ERBB4: variants seen among roughly 807,000 people sequenced by gnomAD.
ERBB4 encodes receptor tyrosine-protein kinase erbB-4.
A neutral mutation model predicts 158.0 loss-of-function variants in ERBB4; 42 were observed. The observed-to-expected ratio is 0.27, with a 90% confidence interval of 0.21 to 0.34. ERBB4 has a LOEUF of 0.34. Among genes scored for constraint, ERBB4 ranks in the 10% least tolerant of loss-of-function variants. The pLI is 1.00. For missense variants in ERBB4, 1,333 were observed against 1,624.1 expected, an observed-to-expected ratio of 0.82 and a Z score of 3.08; for synonymous variants, 583 against 558.7, an observed-to-expected ratio of 1.04 and a Z score of -0.61.
chr2:212,311,662 C>A (rs2087050109), intron 1 of ERBB4, among the ~76,000 whole-genome samples: 1 of 150,900 alleles, frequency 6.6e-6, no homozygotes, highest in African/African-American at 2.4e-5. Context: ...TCCTCAAGTC[C>A]TAAATTTTTT....
intron 2 of ERBB4, among the ~76,000 whole-genome samples, chr2:212,041,174 T>C (rs1297848506): frequency 6.6e-6 from 1 of 152,158 alleles, no homozygotes; most frequent in African/African-American, 2.4e-5. Flanking sequence ...TGTGTTCATG[T>C]ATGTAAAACA....
chr2:212,295,439 GATTAT>G (rs2086375105), intron 1 of ERBB4, among the ~76,000 whole-genome samples: 1 of 152,008 alleles, frequency 6.6e-6, no homozygotes, highest in African/African-American at 2.4e-5. Flanking sequence ...AATTTTCACT[GATTAT>G]ATTATCTTCA....
Position 211,925,376 on chromosome 2 carries a change from CTTTTTTT to C in ERBB4, c.421+22047_421+22053del, listed in dbSNP as rs71054150. Among the ~76,000 whole-genome samples, 36 of 81,576 alleles carry C rather than the reference CTTTTTTT, an allele frequency of 4.4e-4. No individual in the cohort carries two copies. The East Asian group carries it at 6.6e-3, about 15-fold the overall frequency. 53.5% of individuals were successfully genotyped at this position (81,576 alleles called of 152,430 possible). A position where few individuals can be genotyped will look rare whatever the true frequency, so the allele number is the denominator to read the frequency against. ...CATATTTGAAACAAAAACAAGACTGCTTTTTTTTTTTTTTTTTTTTTTTTGAGAGGAA... is the reference window on the plus strand; with the variant it reads ...CATATTTGAAACAAAAACAAGACTGCTTTTTTTTTTTTTTTTTGAGAGGAA... On this transcript the variant is annotated intron_variant, in intron 3 of 27. Transcript: ENST00000342788.
At chr2:211,473,596 A>G (rs1247305347) in intron 20 of ERBB4, among the ~76,000 whole-genome samples, 1 of 152,000 alleles carries the variant, frequency 6.6e-6, no homozygotes, top group Non-Finnish European at 1.5e-5. Context: ...TTCCCATACT[A>G]TAAGGATTAG....
At chr2:212,377,947 T>C (rs981937688) in intron 1 of ERBB4, among the ~76,000 whole-genome samples, 5 of 151,786 alleles carry the variant, frequency 3.3e-5, no homozygotes, top group African/African-American at 1.2e-4. Flanking sequence ...TATAAGCTTT[T>C]TCCTATTTTT....
At chr2:211,537,902 C>A (rs139029338) in intron 20 of ERBB4, among the ~76,000 whole-genome samples, 2 of 151,860 alleles carry the variant, frequency 1.3e-5, no homozygotes, top group East Asian at 3.9e-4. Flanking sequence ...TTTCAAAAAC[C>A]CTTTAAGACA....
intron 3 of ERBB4, among the ~76,000 whole-genome samples, chr2:211,892,502 C>T (rs2078994335): frequency 7.3e-6 from 1 of 137,630 alleles, no homozygotes. Context: ...TGGCACAAGA[C>T]AGGGATGCCC....
chr2:212,158,112 ATCCT>A (rs2081095941), intron 1 of ERBB4, among the ~76,000 whole-genome samples: 1 of 152,042 alleles, frequency 6.6e-6, no homozygotes, highest in Non-Finnish European at 1.5e-5. Flanking sequence ...GTCTCACTGA[ATCCT>A]TTGAACAAAT....
At chr2:211,619,893 T>A (rs917239333) in intron 18 of ERBB4, among the ~76,000 whole-genome samples, 1 of 152,168 alleles carries the variant, frequency 6.6e-6, no homozygotes, top group Admixed American at 6.5e-5. Context: ...CATGTGTATA[T>A]GTGTGTGCGT....
intron 3 of ERBB4, among the ~76,000 whole-genome samples, chr2:211,807,071 A>G (rs1427163178): frequency 2.6e-5 from 4 of 152,172 alleles, no homozygotes; most frequent in Admixed American, 1.3e-4. Context: ...TATTTTAAAT[A>G]TATTCAGAGA....
At chr2:211,754,407 C>CTTTTTTT (rs59474280) in intron 4 of ERBB4, among the ~76,000 whole-genome samples, 37,347 of 136,836 alleles carry the variant, frequency 0.27, 5,416 homozygotes, top group South Asian at 0.37. Flanking sequence ...GCAATAATCC[C>CTTTTTTT]TTTTTTTTTT....
At chr2:211,745,999 G>C (rs1368528254) in intron 5 of ERBB4, among the ~76,000 whole-genome samples, 2 of 152,158 alleles carry the variant, frequency 1.3e-5, no homozygotes, top group Non-Finnish European at 2.9e-5. Flanking sequence ...CATTTCCTCT[G>C]CTTATATTTC....
At chr2:212,469,574 G>T (rs1026831703) in intron 1 of ERBB4, among the ~76,000 whole-genome samples, 1 of 152,056 alleles carries the variant, frequency 6.6e-6, no homozygotes, top group Non-Finnish European at 1.5e-5. Flanking sequence ...AGTATGCTTA[G>T]CACCATAAAA....
intron 4 of ERBB4, among the ~76,000 whole-genome samples, chr2:211,780,172 G>C (rs1025128078): frequency 6.6e-6 from 1 of 152,016 alleles, no homozygotes; most frequent in African/African-American, 2.4e-5. Flanking sequence ...GTCTAGCCTG[G>C]GTAACGTAGG....
At chr2:212,138,299 A>G (rs111352998) in intron 1 of ERBB4, among the ~76,000 whole-genome samples, 1 of 152,180 alleles carries the variant, frequency 6.6e-6, no homozygotes, top group Non-Finnish European at 1.5e-5. Flanking sequence ...TTTCCTGGGC[A>G]TAACAGTAGT....
chr2:212,416,460 C>A (rs1440228183), intron 1 of ERBB4, among the ~76,000 whole-genome samples: 1 of 152,002 alleles, frequency 6.6e-6, no homozygotes, highest in Admixed American at 6.6e-5. Flanking sequence ...TGTTCATTTT[C>A]AATATCTTTT....
At chr2:212,273,396 A>G (rs2085412611) in intron 1 of ERBB4, among the ~76,000 whole-genome samples, 1 of 151,816 alleles carries the variant, frequency 6.6e-6, no homozygotes, top group Non-Finnish European at 1.5e-5. Flanking sequence ...TGATAATGTT[A>G]AAAATGCTAG....
At chr2:211,484,082 CA>C (rs2065146577) in intron 20 of ERBB4, among the ~76,000 whole-genome samples, 1 of 152,090 alleles carries the variant, frequency 6.6e-6, no homozygotes. Context: ...GTATGTGAAG[CA>C]GTAGAAATAC....
intron 2 of ERBB4, among the ~76,000 whole-genome samples, chr2:212,086,194 G>T (rs2078603379): frequency 6.6e-6 from 1 of 151,828 alleles, no homozygotes; most frequent in Non-Finnish European, 1.5e-5. Context: ...AAAGTGATTG[G>T]CTGCCACGTT....
Sources: allele counts gnomAD v4.1 joint callset (sites outside exome capture counted in the v4.1 genomes callset), GRCh38; gene constraint gnomAD v4.1.1; transcripts MANE v1.5; gene names NCBI Gene and HGNC (gene_info 2026-07-23, HGNC 2026-07-21).